The following WDFY4 variants were observed in gnomAD, a reference collection of about 807,000 sequenced individuals.
WDFY4 encodes the protein WD repeat- and FYVE domain-containing protein 4.
A neutral mutation model predicts 351.9 loss-of-function variants in WDFY4; 169 were observed. That is an observed-to-expected ratio of 0.48 (90% CI 0.42 to 0.55). The LOEUF is 0.55. WDFY4 is among the 20% of genes least tolerant of loss of function. The pLI is 0.00. For missense variants in WDFY4, 3,803 were observed against 3,935.6 expected (o/e 0.97, Z 0.90); for synonymous variants, 1,622 against 1,574.6 (o/e 1.03, Z -0.71).
intron 26 of WDFY4, 65 bp downstream of exon 26, chr10:48,805,486 A>G (rs11101508): frequency 0.041 from 61,715 of 1,504,200 alleles, 2,515 homozygotes; most frequent in East Asian, 0.16. Context: ...GGGAGGACAG[A>G]CCCCAGCTCT....
intron 49 of WDFY4, among the ~76,000 whole-genome samples, chr10:48,944,752 G>A (rs1312690261): frequency 6.6e-6 from 1 of 152,158 alleles, no homozygotes; most frequent in Non-Finnish European, 1.5e-5. Context: ...GCAAAGTGGT[G>A]GTTTGCAAGC....
intron 11 of WDFY4, among the ~76,000 whole-genome samples, chr10:48,737,792 G>A (rs529084298): frequency 6.6e-6 from 1 of 152,340 alleles, no homozygotes; most frequent in East Asian, 1.9e-4. Context: ...GCAGAGAGTA[G>A]GGTAAGGGAG....
intron 48 of WDFY4, among the ~76,000 whole-genome samples, chr10:48,943,102 G>T (rs1467138111): frequency 6.8e-6 from 1 of 147,260 alleles, no homozygotes; most frequent in Admixed American, 6.8e-5. Flanking sequence ...ACTGCATTGG[G>T]TTTTTTTTTT....
intron 50 of WDFY4, among the ~76,000 whole-genome samples, chr10:48,946,417 T>C (rs567068899): frequency 9.2e-5 from 14 of 152,298 alleles, no homozygotes; most frequent in African/African-American, 3.1e-4. Context: ...GCTGGAGAAA[T>C]ATAATGCTAA....
intron 13 of WDFY4, among the ~76,000 whole-genome samples, chr10:48,760,844 T>A (rs762400751): frequency 3.3e-5 from 5 of 152,182 alleles, no homozygotes; most frequent in Admixed American, 1.3e-4. Context: ...CTGTGCTCTG[T>A]GCAGCTCATG....
Position 48,743,606 on chromosome 10 carries a change from C to T in WDFY4, c.2459+58C>T, listed in dbSNP as rs977886493. On this transcript the variant is annotated intron_variant, in intron 12 of 61. Coordinates refer to ENST00000325239, the MANE Select transcript of WDFY4 (RefSeq NM_001394531.1). ...TCTCTGTCTCCCATTCTCACTCTAA[C>T]GTCTTGCGCATGTGTACTCAGTAGG... 130 of 1,482,510 alleles carry T rather than the reference C, an allele frequency of 8.8e-5. 2 individuals carry two copies. In the South Asian group the frequency reaches 1.5e-3, roughly 17 times the overall value. The allele number at this position is 1,482,510 out of a possible 1,614,324, so 91.8% of individuals were successfully genotyped here.
chr10:48,801,318 G>C (rs2067082145), intron 24 of WDFY4, among the ~76,000 whole-genome samples: 1 of 152,190 alleles, frequency 6.6e-6, no homozygotes, highest in South Asian at 2.1e-4. Flanking sequence ...CTGTGTTCTG[G>C]AAAGGAAATG....
intron 44 of WDFY4, among the ~76,000 whole-genome samples, chr10:48,893,873 G>A (rs896262479): frequency 1.3e-5 from 2 of 152,208 alleles, no homozygotes; most frequent in African/African-American, 4.8e-5. Flanking sequence ...GACAGTTTTT[G>A]CAGATCCTGC....
intron 47 of WDFY4, among the ~76,000 whole-genome samples, chr10:48,934,363 T>C (rs1030846530): frequency 5.9e-5 from 9 of 152,192 alleles, no homozygotes; most frequent in Non-Finnish European, 1.2e-4. Flanking sequence ...GACATTACAA[T>C]TGAGTCACAA....
chr10:48,850,356 C>T lies in WDFY4; in HGVS notation c.6664-16909C>T, dbSNP rs193181577. Among the ~76,000 whole-genome samples the T allele has an allele frequency of 9.9e-5, 15 of 152,232 alleles. No individual in the cohort carries two copies. The East Asian group carries it at 1.5e-3, about 16-fold the overall frequency. ...TTTATTTCTTCAATCTTATTTATGT[C>T]GGTAGAGATTCATTCATATTTATTT... On this transcript the variant is annotated intron_variant, in intron 39 of 61. Transcript: ENST00000325239.
chr10:48,787,283 C>T (rs2066435423), intron 20 of WDFY4, among the ~76,000 whole-genome samples: 1 of 152,222 alleles, frequency 6.6e-6, no homozygotes, highest in Admixed American at 6.5e-5. Flanking sequence ...GTTCTCTGTG[C>T]TCTGTCAAGT....
At position 48,890,535 on chromosome 10, in the gene WDFY4, A is replaced by G. The variant is rs146180201; in HGVS notation, c.7168-44A>G. On this transcript the variant is annotated intron_variant, in intron 43 of 61. Transcript: ENST00000325239. Reference sequence around the variant, plus strand: ...CCTGTTTCCCCCAAGAATCATGGGCATGCTTCCTGTGCACCACCTGACTCT... The same window carrying G: ...CCTGTTTCCCCCAAGAATCATGGGCGTGCTTCCTGTGCACCACCTGACTCT... 582 of 1,550,716 alleles carry G rather than the reference A, an allele frequency of 3.8e-4. 1 individual carries two copies. The African/African-American group carries it at 6.9e-3, about 18-fold the overall frequency.
intron 47 of WDFY4, among the ~76,000 whole-genome samples, chr10:48,936,962 C>T (rs1464657989): frequency 6.6e-6 from 1 of 151,728 alleles, no homozygotes; most frequent in Non-Finnish European, 1.5e-5. Flanking sequence ...TCTTGTCACC[C>T]AGGCTGGAGT....
chr10:48,926,165 G>A (rs1839556850), intron 47 of WDFY4, among the ~76,000 whole-genome samples: 1 of 152,170 alleles, frequency 6.6e-6, no homozygotes, highest in South Asian at 2.1e-4. Flanking sequence ...TCCCGGGAGA[G>A]GAAGCCATCC....
At chr10:48,809,550 C>A (rs1565223965) in intron 28 of WDFY4, among the ~76,000 whole-genome samples, 2 of 151,294 alleles carry the variant, frequency 1.3e-5, no homozygotes, top group African/African-American at 4.9e-5. Flanking sequence ...ACCATAATCA[C>A]CACCACCATC....
At chr10:48,891,961 C>T (rs550662265) in intron 44 of WDFY4, among the ~76,000 whole-genome samples, 2 of 152,354 alleles carry the variant, frequency 1.3e-5, no homozygotes, top group South Asian at 2.1e-4. Flanking sequence ...GCATTTTTCT[C>T]TCTGCTAATT....
At chr10:48,828,548 C>T (rs2068080343) in intron 36 of WDFY4, among the ~76,000 whole-genome samples, 1 of 152,152 alleles carries the variant, frequency 6.6e-6, no homozygotes. Context: ...TGGGATTTCA[C>T]AAGACTTCTC....
chr10:48,874,910 A>G (rs1040408553), intron 41 of WDFY4, among the ~76,000 whole-genome samples, 179 bp from the exon 42 acceptor site: 23 of 152,274 alleles, frequency 1.5e-4, no homozygotes, highest in Admixed American at 1.2e-3. Context: ...GAACATTCAT[A>G]CTTGCATTTT....
In WDFY4 at chr10:48,910,131, A is replaced by G. The variant is rs1018785155; in HGVS notation, c.7586+8268A>G. On this transcript the variant is annotated intron_variant, in intron 47 of 61. Transcript: ENST00000325239. The stretch of plus-strand genomic sequence containing the variant: ...GCCAGCTCCGGCGAGCCTGGTTTCC[A>G]GAACATCTCACTTGCCACTCTGTCT... 1.3e-5 allele frequency: 14 copies of G among 1,110,816 alleles called. No individual in the cohort carries two copies. In the East Asian group the frequency reaches 3.3e-4, roughly 26 times the overall value. 68.8% of individuals were successfully genotyped at this position (1,110,816 alleles called of 1,614,324 possible).
Sources: allele counts gnomAD v4.1 joint callset (sites outside exome capture counted in the v4.1 genomes callset), GRCh38; gene constraint gnomAD v4.1.1; transcripts MANE v1.5; gene names NCBI Gene and HGNC (gene_info 2026-07-23, HGNC 2026-07-21).